Variants in NINJ2 observed in about 807,000 individuals in gnomAD.
The protein encoded by NINJ2 is ninjurin 2.
In NINJ2, 12 loss-of-function variants were observed where a neutral mutation model predicts 11.7. The observed-to-expected ratio is 1.02, with a 90% CI of 0.66 to 1.66. The LOEUF (loss-of-function observed/expected upper bound fraction) is 1.66. NINJ2 is among the 40% of genes most tolerant of loss of function. NINJ2 has a pLI of 0.00. For missense variants in NINJ2, 187 were observed against 181.8 expected, an observed-to-expected ratio of 1.03 and a Z score of -0.16; for synonymous variants, 93 against 76.8, an observed-to-expected ratio of 1.21 and a Z score of -1.10.
Position 638,711 on chromosome 12 carries a change from G to A in NINJ2, c.33+24617C>T, listed in dbSNP as rs561778021. ...ATTACAGGCGTGAGCCACCGCGCCC[G>A]GCCGACACTTAGTTTTAAATCCAGT... On this transcript the variant is annotated intron_variant, in intron 1 of 3. Transcript: ENST00000305108. 3.3e-5 allele frequency among the ~76,000 whole-genome samples: 5 copies of A among 152,320 alleles called. No individual in the cohort carries two copies. In the East Asian group the frequency reaches 5.8e-4, roughly 18 times the overall value.
chr12:629,933 T>C (rs1358980432), intron 1 of NINJ2, among the ~76,000 whole-genome samples: 1 of 113,612 alleles, frequency 8.8e-6, no homozygotes, highest in Non-Finnish European at 1.8e-5. Flanking sequence ...GAAGTTTCTT[T>C]GCGATTTTTT....
intron 1 of NINJ2, among the ~76,000 whole-genome samples, chr12:604,404 G>A (rs1373891250): frequency 6.6e-6 from 1 of 152,180 alleles, no homozygotes; most frequent in East Asian, 1.9e-4. Context: ...TTGGGAGGCT[G>A]AGGCGGGCGG....
chr12:656,961 A>G (rs1005567864), intron 1 of NINJ2, among the ~76,000 whole-genome samples: 1 of 152,184 alleles, frequency 6.6e-6, no homozygotes, highest in African/African-American at 2.4e-5. Flanking sequence ...AAAAATATGA[A>G]TCTAAGCACA....
chr12:565,814 G>A (rs766187534), intron 2 of NINJ2, 136 bp downstream of exon 2: 11 of 792,112 alleles, frequency 1.4e-5, no homozygotes, highest in Middle Eastern at 2.3e-4. Context: ...CTCTGTTAGC[G>A]GAGGGCTCAC....
Position 622,717 on chromosome 12 carries a change from G to C in NINJ2, c.33+40611C>G, listed in dbSNP as rs73596296. 1.0e-2 allele frequency among the ~76,000 whole-genome samples: 1,513 copies of C among 152,026 alleles called. 30 individuals are homozygous for C. The highest frequency in any genetic ancestry group is 0.035 in the African/African-American group (1,445 of 41,494). ...ACTTTTCGGGTCACAGACCCTTTCA[G>C]AATCTGATAAAGGTGATGGACCCCC... On this transcript the variant is annotated intron_variant, in intron 1 of 3. Coordinates refer to ENST00000305108, the MANE Select transcript of NINJ2 (RefSeq NM_016533.6).
intron 1 of NINJ2, among the ~76,000 whole-genome samples, chr12:615,228 A>G (rs1245069867): frequency 6.6e-6 from 1 of 152,194 alleles, no homozygotes; most frequent in Admixed American, 6.5e-5. Flanking sequence ...AACACCTTAT[A>G]TTTACCAAGA....
chr12:607,743 G>C (rs1947958803), intron 1 of NINJ2, among the ~76,000 whole-genome samples: 2 of 152,312 alleles, frequency 1.3e-5, no homozygotes, highest in East Asian at 3.9e-4. Context: ...GAGATATCCT[G>C]TGTGAGCAGC....
chr12:583,721 G>A (rs567801442), intron 1 of NINJ2, among the ~76,000 whole-genome samples: 36 of 152,290 alleles, frequency 2.4e-4, no homozygotes, highest in Non-Finnish European at 4.3e-4. Context: ...AAATGGAGGC[G>A]GTCAACCCCT....
In NINJ2 at chr12:565,530, T is replaced by G. The variant is rs551942871; in HGVS notation, c.263-129A>C. ...CCCATGTGGCAGAAATCAAGGGAGG[T>G]GGTCGTCATCGGGCTGAGATGCCTC... is the stretch of plus-strand genomic sequence containing the variant. On this transcript the variant is annotated intron_variant, in intron 2 of 3. Transcript: ENST00000305108. 32 of 991,640 alleles carry G rather than the reference T, an allele frequency of 3.2e-5. No individual in the cohort carries two copies. In the East Asian group the frequency reaches 7.5e-4, roughly 23 times the overall value. 61.4% of individuals were successfully genotyped at this position (991,640 alleles called of 1,614,324 possible).
chr12:614,802 A>G lies in NINJ2; in HGVS notation c.33+48526T>C, dbSNP rs1948072366. Among the ~76,000 whole-genome samples the G allele has an allele frequency of 6.6e-6, 1 of 152,124 alleles. No individual in the cohort carries two copies. Among genetic ancestry groups the G allele is most frequent in the Non-Finnish European group, 1.5e-5 (1 of 68,036 alleles). ...GTGTCTGTCTAGCTCAGGTTCCCAGAGGCCTAGGGGCAAGACCATGTCTTC... is the reference window on the plus strand; with the variant it reads ...GTGTCTGTCTAGCTCAGGTTCCCAGGGGCCTAGGGGCAAGACCATGTCTTC... On this transcript the variant is annotated intron_variant, in intron 1 of 3. Transcript: ENST00000305108. The surrounding 1 kb of genome is among the most constrained non-coding windows in gnomAD (Gnocchi z 5.1).
At chr12:601,060 A>G (rs1947859832) in intron 1 of NINJ2, among the ~76,000 whole-genome samples, 1 of 152,168 alleles carries the variant, frequency 6.6e-6, no homozygotes, top group Non-Finnish European at 1.5e-5. Flanking sequence ...CTTACTATTT[A>G]GTTCTCACCT....
At chr12:638,573 G>A (rs1425598120) in intron 1 of NINJ2, among the ~76,000 whole-genome samples, 2 of 152,142 alleles carry the variant, frequency 1.3e-5, no homozygotes, top group African/African-American at 2.4e-5. Flanking sequence ...CCGCCACCAC[G>A]CCTGGCTAAT....
chr12:565,124 G>T, intron 3 of NINJ2, 93 bp downstream of exon 3: 1 of 1,044,026 alleles, frequency 9.6e-7, no homozygotes, highest in Non-Finnish European at 1.3e-6. Flanking sequence ...CCTTTGTTTG[G>T]CAAGGGATCT....
intron 1 of NINJ2, among the ~76,000 whole-genome samples, chr12:648,137 A>T (rs1937720862): frequency 1.3e-5 from 2 of 152,086 alleles, no homozygotes; most frequent in African/African-American, 4.8e-5. Context: ...CAATGGTGTG[A>T]TCCTCGGCTC....
intron 1 of NINJ2, among the ~76,000 whole-genome samples, chr12:649,195 C>T (rs947169060): frequency 1.3e-5 from 2 of 151,942 alleles, no homozygotes; most frequent in Non-Finnish European, 2.9e-5. Context: ...TACAGGCATG[C>T]GCCACCACAC....
Position 591,548 on chromosome 12 carries a change from C to G in NINJ2, c.34-25370G>C, listed in dbSNP as rs1288135910. 6.6e-6 allele frequency among the ~76,000 whole-genome samples: 1 copy of G among 152,154 alleles called. No individual in the cohort carries two copies. The highest frequency in any genetic ancestry group is 1.5e-5 in the Non-Finnish European group (1 of 68,034). ...TTGGGGGCAACTCTGATTGCAGAAG[C>G]TCTCTGGATGGGCAGTGCTAGCGGA... On this transcript the variant is annotated intron_variant, in intron 1 of 3. Coordinates refer to ENST00000305108, the MANE Select transcript of NINJ2 (RefSeq NM_016533.6). This position sits in a 1 kb window ranked among gnomAD's most constrained non-coding sequence, Gnocchi z 5.0.
intron 1 of NINJ2, among the ~76,000 whole-genome samples, chr12:583,871 A>G (rs190920088): frequency 6.6e-6 from 1 of 152,300 alleles, no homozygotes; most frequent in African/African-American, 2.4e-5. Flanking sequence ...AAAAATGGGG[A>G]TCGTAAGATT....
Position 643,683 on chromosome 12 carries a change from C to T in NINJ2, c.33+19645G>A, listed in dbSNP as rs539438681. Reference sequence around the variant, plus strand: ...TTCTTAGCGGCGGTCGTTTGAGCCACGCCTCACCGCAACGAGTCTGCCATC... The same window carrying T: ...TTCTTAGCGGCGGTCGTTTGAGCCATGCCTCACCGCAACGAGTCTGCCATC... On this transcript the variant is annotated intron_variant, in intron 1 of 3. Transcript: ENST00000305108. 4 of 988,052 alleles carry T rather than the reference C, an allele frequency of 4.0e-6. No individual in the cohort carries two copies. In the African/African-American group the frequency reaches 5.2e-5, roughly 13 times the overall value. 61.2% of individuals were successfully genotyped at this position (988,052 alleles called of 1,614,324 possible).
At chr12:658,768 G>C (rs1423947512) in intron 1 of NINJ2, among the ~76,000 whole-genome samples, 1 of 151,960 alleles carries the variant, frequency 6.6e-6, no homozygotes, top group Non-Finnish European at 1.5e-5. Flanking sequence ...TATAGCGGTG[G>C]AAACATGTTA....
Sources: gnomAD v4.1 joint callset for allele counts (sites outside exome capture counted in the v4.1 genomes callset) on GRCh38, gnomAD v4.1.1 for gene constraint, Gnocchi (gnomAD v3.1) non-coding constraint, MANE v1.5 for transcripts, NCBI Gene and HGNC (gene_info 2026-07-23, HGNC 2026-07-21) for gene names.